The following CSMD1 variants were observed in gnomAD, a reference collection of about 807,000 sequenced individuals.
CSMD1 encodes the protein CUB and sushi domain-containing protein 1.
CSMD1 carries 213 observed loss-of-function variants against 417.5 expected under a neutral mutation model. The observed-to-expected ratio is 0.51, with a 90% CI of 0.46 to 0.57. The LOEUF is 0.57. CSMD1 is among the 20% of genes least tolerant of loss of function. The probability of loss-of-function intolerance (pLI) is 0.00; values close to 1 mark genes in which losing one functional copy is unlikely to be tolerated. For synonymous variants in CSMD1, 2,862 were observed against 1,736.8 expected (o/e 1.65, Z -16.11); for missense variants, 6,923 against 4,529.7 (o/e 1.53, Z -15.17).
chr8:3,296,349 G>A (rs1027776901), intron 25 of CSMD1, among the ~76,000 whole-genome samples: 2 of 152,006 alleles, frequency 1.3e-5, no homozygotes, highest in Non-Finnish European at 2.9e-5. Flanking sequence ...AGTGCAGCAA[G>A]AACAGAGGAA....
At chr8:3,332,376 A>T (rs1806961578) in intron 23 of CSMD1, among the ~76,000 whole-genome samples, 1 of 152,206 alleles carries the variant, frequency 6.6e-6, no homozygotes, top group African/African-American at 2.4e-5. Flanking sequence ...CCACCTCCAG[A>T]CATCTCTGAG....
intron 1 of CSMD1, among the ~76,000 whole-genome samples, chr8:4,799,728 A>G (rs1339935227): frequency 6.6e-6 from 1 of 151,972 alleles, no homozygotes; most frequent in Non-Finnish European, 1.5e-5. Flanking sequence ...CAAAATTGGC[A>G]TTACATGTCA....
chr8:3,229,477 A>G (rs1241124195), intron 27 of CSMD1, among the ~76,000 whole-genome samples: 2 of 152,216 alleles, frequency 1.3e-5, no homozygotes, highest in African/African-American at 4.8e-5. Flanking sequence ...TATTCAAGCC[A>G]AAGTCTGCAA....
intron 3 of CSMD1, among the ~76,000 whole-genome samples, chr8:4,172,709 G>A (rs188512770): frequency 6.6e-6 from 1 of 152,160 alleles, no homozygotes; most frequent in African/African-American, 2.4e-5. Flanking sequence ...TTGCAAAAGT[G>A]ACAGGATATC....
chr8:4,076,337 G>T (rs1025542985), intron 3 of CSMD1, among the ~76,000 whole-genome samples: 1 of 152,174 alleles, frequency 6.6e-6, no homozygotes, highest in Non-Finnish European at 1.5e-5. Flanking sequence ...GCAGAACTGT[G>T]TGTCAATCAA....
chr8:3,450,139 C>A, intron 12 of CSMD1, among the ~76,000 whole-genome samples: 1 of 152,164 alleles, frequency 6.6e-6, no homozygotes, highest in East Asian at 1.9e-4. Context: ...GGATTTGCTT[C>A]GATGACGAAC....
rs930403004 is a variant in CSMD1, at chr8:3,640,886, C to G, written c.1010-24089G>C. ...TTTTATTGTTAATGATGTCAGTATC[C>G]AATATGTGGCATTAATCATGGTTTG... On this transcript the variant is annotated intron_variant, in intron 7 of 69. Transcript: ENST00000635120. Among the ~76,000 whole-genome samples the G allele has an allele frequency of 2.6e-5, 4 of 151,786 alleles. No homozygotes were observed. The East Asian group carries it at 7.7e-4, about 29-fold the overall frequency.
chr8:4,345,139 T>G (rs1486962252), intron 3 of CSMD1, among the ~76,000 whole-genome samples: 1 of 152,096 alleles, frequency 6.6e-6, no homozygotes, highest in African/African-American at 2.4e-5. Flanking sequence ...AATTTCGGAT[T>G]CAAGAAGCAG....
At chr8:4,835,818 G>C (rs1800443839) in intron 1 of CSMD1, among the ~76,000 whole-genome samples, 1 of 151,638 alleles carries the variant, frequency 6.6e-6, no homozygotes, top group African/African-American at 2.4e-5. Context: ...CAAGTATCCA[G>C]ACATGGAATT....
intron 1 of CSMD1, among the ~76,000 whole-genome samples, chr8:4,679,734 T>C (rs1805919036): frequency 6.6e-6 from 1 of 152,202 alleles, no homozygotes; most frequent in Non-Finnish European, 1.5e-5. Flanking sequence ...ATTTATTAGT[T>C]TCTGTAACTA....
At chr8:3,942,273 T>C (rs192299307) in intron 5 of CSMD1, among the ~76,000 whole-genome samples, 148 of 152,232 alleles carry the variant, frequency 9.7e-4, no homozygotes, top group African/African-American at 3.2e-3. Flanking sequence ...ATAAATGTAA[T>C]GCGCTTGAAT....
intron 4 of CSMD1, among the ~76,000 whole-genome samples, chr8:4,003,925 C>T (rs1357926178): frequency 1.4e-5 from 2 of 140,604 alleles, no homozygotes; most frequent in East Asian, 2.0e-4. Flanking sequence ...AAATGTTTTT[C>T]ATTTTTTTAG....
chr8:3,469,067 C>T (rs915677411), intron 11 of CSMD1: 6 of 349,866 alleles, frequency 1.7e-5, no homozygotes, highest in Admixed American at 4.6e-5. Context: ...TTTAAAAAAT[C>T]AATTTAGGGC....
At chr8:4,145,903 C>G (rs764938439) in intron 3 of CSMD1, among the ~76,000 whole-genome samples, 31 of 151,004 alleles carry the variant, frequency 2.1e-4, no homozygotes, top group Non-Finnish European at 3.5e-4. Context: ...CAATGCTCAT[C>G]CCTTGGCACA....
At chr8:4,312,627 A>G (rs1798693391) in intron 3 of CSMD1, among the ~76,000 whole-genome samples, 1 of 144,808 alleles carries the variant, frequency 6.9e-6, no homozygotes. Context: ...CTGTAATCCC[A>G]ACACTTTGGG....
intron 1 of CSMD1, among the ~76,000 whole-genome samples, chr8:4,913,508 CTTATT>C (rs1805841816): frequency 6.6e-6 from 1 of 152,254 alleles, no homozygotes; most frequent in Middle Eastern, 3.4e-3. Flanking sequence ...CCCCATATGT[CTTATT>C]TTAAACAGAA....
intron 51 of CSMD1, among the ~76,000 whole-genome samples, chr8:3,023,987 G>A (rs1585173471): frequency 6.6e-6 from 1 of 152,162 alleles, no homozygotes; most frequent in East Asian, 1.9e-4. Flanking sequence ...CTATGAAGAA[G>A]CTAGCACAGT....
At chr8:4,673,001 C>T (rs536520369) in intron 1 of CSMD1, among the ~76,000 whole-genome samples, 46 of 151,932 alleles carry the variant, frequency 3.0e-4, no homozygotes, top group Non-Finnish European at 6.2e-4. Flanking sequence ...CATATGCATG[C>T]ATACATGGTG....
Position 3,102,348 on chromosome 8 carries a change from C to A in CSMD1, c.6949+4180G>T, listed in dbSNP as rs538940054. ...AGAGAATGACAGCTAAGATCACTCT[C>A]CGGTTGTTTTAAACAAATTGACTCG... is the stretch of plus-strand genomic sequence containing the variant. On this transcript the variant is annotated intron_variant, in intron 46 of 69. Transcript: ENST00000635120. 2.6e-5 allele frequency among the ~76,000 whole-genome samples: 4 copies of A among 152,232 alleles called. No homozygotes were observed. The South Asian group carries it at 8.3e-4, about 32-fold the overall frequency.
Sources: gnomAD v4.1 joint callset for allele counts (sites outside exome capture counted in the v4.1 genomes callset) on GRCh38, gnomAD v4.1.1 for gene constraint, MANE v1.5 for transcripts, NCBI Gene and HGNC (gene_info 2026-07-23, HGNC 2026-07-21) for gene names.